Variants in DYNC2LI1 observed in about 807,000 individuals in gnomAD.
DYNC2LI1 encodes the protein dynein cytoplasmic 2 light intermediate chain 1, also known as cytoplasmic dynein 2 light intermediate chain 1.
Under a neutral mutation model 51.9 loss-of-function variants are expected in DYNC2LI1, and 45 were observed. The ratio of observed to expected loss-of-function variants is 0.87; its 90% CI spans 0.68 to 1.11. DYNC2LI1 has a LOEUF of 1.11. Among genes scored for constraint, DYNC2LI1 ranks in the 50% most tolerant of loss-of-function variants. The probability of loss-of-function intolerance (pLI) is 0.00; values close to 1 mark genes in which losing one functional copy is unlikely to be tolerated. For synonymous variants in DYNC2LI1, 130 were observed against 137.8 expected (o/e 0.94, Z 0.40); for missense variants, 490 against 417.4 (o/e 1.17, Z -1.51).
intron 6 of DYNC2LI1, chr2:43,794,997 T>C (rs1191980592): frequency 1.7e-6 from 2 of 1,174,406 alleles, no homozygotes; most frequent in African/African-American, 3.1e-5. Flanking sequence ...TAGATGAAGC[T>C]ACAACTTTAA....
chr2:43,825,067 G>A, the DYNC2LI1 span: 2 of 1,605,080 alleles, frequency 1.2e-6, no homozygotes, highest in Non-Finnish European at 1.7e-6. Context: ...GGGTAGCGAT[G>A]CACTTTGAAT....
At chr2:43,827,004 G>T in the DYNC2LI1 span, among the ~76,000 whole-genome samples, 1 of 152,220 alleles carries the variant, frequency 6.6e-6, no homozygotes, top group African/African-American at 2.4e-5. Context: ...TCTTTAGAGG[G>T]TTTAAAGTAA....
chr2:43,801,442 C>T, intron 9 of DYNC2LI1, 197 bp from the exon 10 acceptor site: 1 of 415,162 alleles, frequency 2.4e-6, no homozygotes, highest in Non-Finnish European at 4.3e-6. Flanking sequence ...CACTTTTTTT[C>T]CTATAAAATG....
chr2:43,823,015 G>A, the DYNC2LI1 span: 4 of 1,570,898 alleles, frequency 2.5e-6, no homozygotes, highest in Middle Eastern at 1.7e-4. Flanking sequence ...CTGAATGTGA[G>A]GTCTGTCAGG....
intron 8 of DYNC2LI1, 31 bp from the exon 9 acceptor site, chr2:43,800,810 C>A: frequency 1.6e-6 from 2 of 1,227,534 alleles, no homozygotes; most frequent in Non-Finnish European, 2.3e-6. Flanking sequence ...GAAAATAGAG[C>A]ATGTAATTTG....
chr2:43,794,246 A>G, intron 5 of DYNC2LI1: 1 of 477,526 alleles, frequency 2.1e-6, no homozygotes, highest in Non-Finnish European at 3.6e-6. Context: ...TAGTTCCACT[A>G]TTGTAACACT....
the DYNC2LI1 span, chr2:43,824,184 C>G: frequency 1.2e-6 from 2 of 1,614,062 alleles, no homozygotes; most frequent in Middle Eastern, 1.6e-4. Context: ...CTAAAGACCT[C>G]TAACAGGCAT....
the DYNC2LI1 span, among the ~76,000 whole-genome samples, chr2:43,825,458 G>A: frequency 2.0e-5 from 3 of 152,146 alleles, no homozygotes; most frequent in African/African-American, 7.2e-5. Flanking sequence ...GATACTGGGC[G>A]GAGAAAGTGA....
chr2:43,818,730 C>G, the DYNC2LI1 span, among the ~76,000 whole-genome samples: 1 of 152,142 alleles, frequency 6.6e-6, no homozygotes, highest in Admixed American at 6.5e-5. Context: ...AAAAAATATC[C>G]TCCTTGATTT....
chr2:43,806,471 T>C (rs943169145), intron 12 of DYNC2LI1, among the ~76,000 whole-genome samples: 15 of 152,206 alleles, frequency 9.9e-5, no homozygotes, highest in African/African-American at 3.6e-4. Flanking sequence ...TTGAAAAATA[T>C]GCCATGAATA....
intron 10 of DYNC2LI1, among the ~76,000 whole-genome samples, 175 bp downstream of exon 10, chr2:43,801,884 A>G (rs764102027): frequency 6.6e-6 from 1 of 152,088 alleles, no homozygotes; most frequent in Non-Finnish European, 1.5e-5. Flanking sequence ...TCACATTGAC[A>G]TGTTTGTGAT....
chr2:43,804,000 A>T (rs955097058), intron 10 of DYNC2LI1, among the ~76,000 whole-genome samples: 1 of 152,068 alleles, frequency 6.6e-6, no homozygotes, highest in African/African-American at 2.4e-5. Context: ...CTTTACACAC[A>T]TGTGTATATA....
At chr2:43,806,037 C>A (rs1244239037) in intron 12 of DYNC2LI1, among the ~76,000 whole-genome samples, 1 of 152,018 alleles carries the variant, frequency 6.6e-6, no homozygotes, top group African/African-American at 2.4e-5. Context: ...CCTGCCACCA[C>A]ACCTGGCTAA....
intron 2 of DYNC2LI1, among the ~76,000 whole-genome samples, chr2:43,780,724 T>G (rs1673236700): frequency 6.6e-6 from 1 of 151,818 alleles, no homozygotes; most frequent in Non-Finnish European, 1.5e-5. Flanking sequence ...CAGAAGGGGA[T>G]TATTGGGCCA....
At chr2:43,826,365 C>T in the DYNC2LI1 span, 63 of 1,613,720 alleles carry the variant, frequency 3.9e-5, no homozygotes, top group South Asian at 2.2e-4. Flanking sequence ...CCGGCCTTTA[C>T]GAGTTGAACC....
chr2:43,813,515 G>T (rs947857986), downstream of DYNC2LI1, among the ~76,000 whole-genome samples: 1 of 151,912 alleles, frequency 6.6e-6, no homozygotes, highest in Non-Finnish European at 1.5e-5. Context: ...TTTCTATTTT[G>T]GGTATAGATT....
chr2:43,825,088 A>T, the DYNC2LI1 span: 125 of 1,581,980 alleles, frequency 7.9e-5, no homozygotes, highest in Non-Finnish European at 9.4e-5. Flanking sequence ...GTCTCTGGGA[A>T]CACTGATGCA....
At position 43,800,405 on chromosome 2, in the gene DYNC2LI1, G is replaced by A. The variant is rs114725297; in HGVS notation, c.655-436G>A. Among the ~76,000 whole-genome samples the A allele has an allele frequency of 1.1e-3, 162 of 152,228 alleles. 1 individual carries two copies. Among genetic ancestry groups the A allele is most frequent in the African/African-American group, 3.8e-3 (156 of 41,554 alleles). ...GTGACTCTTTGGAAGGCAGCAATAC[G>A]CCCTTGGATGTGAAAGCTACTTTTG... On this transcript the variant is annotated intron_variant, in intron 8 of 12. Coordinates refer to ENST00000260605, the MANE Select transcript of DYNC2LI1 (RefSeq NM_016008.4).
the DYNC2LI1 span, among the ~76,000 whole-genome samples, chr2:43,826,134 C>T: frequency 1.1e-4 from 17 of 152,090 alleles, no homozygotes; most frequent in African/African-American, 3.9e-4. Flanking sequence ...CACCACCATG[C>T]CTGGCTAATT....
Sources: allele counts gnomAD v4.1 joint callset (sites outside exome capture counted in the v4.1 genomes callset), GRCh38; gene constraint gnomAD v4.1.1; transcripts MANE v1.5; gene names NCBI Gene and HGNC (gene_info 2026-07-23, HGNC 2026-07-21).